The following PRLR variants were observed in gnomAD, a reference collection of about 807,000 sequenced individuals.
PRLR encodes the protein hPRL receptor.
PRLR carries 13 observed loss-of-function variants against 40.2 expected under a neutral mutation model. That is an observed-to-expected ratio of 0.32 (90% CI 0.21 to 0.51). PRLR has a LOEUF of 0.51. PRLR is among the 20% of genes least tolerant of loss of function. The pLI, the probability that PRLR is intolerant of heterozygous loss-of-function variation, is 0.97. For missense variants in PRLR, 656 were observed against 747.3 expected, an observed-to-expected ratio of 0.88 and a Z score of 1.42; for synonymous variants, 269 against 278.7, an observed-to-expected ratio of 0.97 and a Z score of 0.35.
At chr5:35,075,021 G>A (rs1218138938) in intron 5 of PRLR, among the ~76,000 whole-genome samples, 3 of 152,040 alleles carry the variant, frequency 2.0e-5, no homozygotes, top group Admixed American at 6.6e-5. Context: ...TTGGCATTAT[G>A]AGTTACATTT....
chr5:35,099,233 C>T (rs1018879377), intron 2 of PRLR, among the ~76,000 whole-genome samples: 11 of 152,152 alleles, frequency 7.2e-5, no homozygotes, highest in African/African-American at 1.2e-4. Flanking sequence ...CACACAGTAA[C>T]GCACTGAATG....
At chr5:35,229,434 A>G (rs1397066758) in intron 1 of PRLR, among the ~76,000 whole-genome samples, 2 of 152,140 alleles carry the variant, frequency 1.3e-5, no homozygotes, top group African/African-American at 4.8e-5. Flanking sequence ...GGATACAGGT[A>G]GAGGTCACTA....
rs568930860 is a variant in PRLR at position 35,226,286 on chromosome 5, G to C, written c.-106+3982C>G. On this transcript the variant is annotated intron_variant, in intron 1 of 9. Coordinates refer to ENST00000618457, the MANE Select transcript of PRLR (RefSeq NM_000949.7). ...CATGCTGTGTTAGCAAGTAGTTGTGGGCTTTGGAGTGAAATAGACTAAGGG... is the reference window on the plus strand; with the variant it reads ...CATGCTGTGTTAGCAAGTAGTTGTGCGCTTTGGAGTGAAATAGACTAAGGG... Among the ~76,000 whole-genome samples the C allele has an allele frequency of 4.6e-5, 7 of 152,334 alleles. No homozygotes were observed. The South Asian group carries it at 1.4e-3, about 32-fold the overall frequency.
Position 35,065,110 on chromosome 5 carries a change from A to G in PRLR, c.1848T>C (p.Cys616=). 1 of 1,612,940 alleles carries G rather than the reference A, an allele frequency of 6.2e-7. No individual in the cohort carries two copies. The highest frequency in any genetic ancestry group is 8.5e-7 in the Non-Finnish European group (1 of 1,179,148). The change falls in exon 10 of 10, where the codon TGT becomes TGC. Residue 616 remains cysteine, a synonymous_variant. Transcript: ENST00000618457. ...GCTATCAGTGAAAGGAGTGTGTAAA[A>G]CATGCGGGATCCAGGTAATCCAAAC... ...LGGLDYLDPA[C]FTHSFH
intron 1 of PRLR, among the ~76,000 whole-genome samples, chr5:35,223,132 T>G (rs545287499): frequency 5.3e-5 from 8 of 152,374 alleles, no homozygotes; most frequent in Non-Finnish European, 1.0e-4. Context: ...TTTAAAAGAC[T>G]ACATACAAAT....
chr5:35,072,369 G>A (rs1769800609), intron 6 of PRLR, among the ~76,000 whole-genome samples: 1 of 152,150 alleles, frequency 6.6e-6, no homozygotes, highest in African/African-American at 2.4e-5. Context: ...AGCAGTACAA[G>A]AAACTAGCCC....
At position 35,055,877 on chromosome 5, in the gene PRLR, T is replaced by TA. The variant is rs1768684115; in HGVS notation, c.*9211dup. The TA allele has an allele frequency of 6.6e-6, 1 of 152,236 alleles. No homozygotes were observed. Among genetic ancestry groups the TA allele is most frequent in the Non-Finnish European group, 1.5e-5 (1 of 68,042 alleles). The allele number at this position is 152,236 out of a possible 1,614,324, so 9.4% of individuals were successfully genotyped here. A position where few individuals can be genotyped will look rare whatever the true frequency, so the allele number is the denominator to read the frequency against. On this transcript the variant is annotated 3_prime_UTR_variant, in exon 10 of 10. Coordinates refer to ENST00000618457, the MANE Select transcript of PRLR (RefSeq NM_000949.7). ...GCAAACGTCATTTAAGCTTACCCTG[T>TA]AATTTTTAATAACTTTATAAGGAGC...
At chr5:35,181,964 T>C (rs1775307365) in intron 1 of PRLR, among the ~76,000 whole-genome samples, 1 of 152,130 alleles carries the variant, frequency 6.6e-6, no homozygotes, top group South Asian at 2.1e-4. Context: ...TTAAGGATAT[T>C]GTACTACCTC....
At chr5:35,134,850 G>C (rs1773801948) in intron 1 of PRLR, among the ~76,000 whole-genome samples, 1 of 152,182 alleles carries the variant, frequency 6.6e-6, no homozygotes. Context: ...TAGATGTTCT[G>C]ATTTAATGGC....
intron 1 of PRLR, among the ~76,000 whole-genome samples, chr5:35,155,963 G>A (rs1381825630): frequency 6.6e-6 from 1 of 152,096 alleles, no homozygotes; most frequent in East Asian, 1.9e-4. Flanking sequence ...AACAATACAA[G>A]TTCATCTTCC....
chr5:35,229,950 C>T (rs1368448900), intron 1 of PRLR, among the ~76,000 whole-genome samples: 1 of 152,182 alleles, frequency 6.6e-6, no homozygotes, highest in East Asian at 1.9e-4. Context: ...GGTGAAGATG[C>T]CTTTGACAAA....
At position 35,065,058 on chromosome 5, in the gene PRLR, A is replaced by G; in HGVS notation, c.*31T>C. ...GTAGTGTTACCTGAAGAAAAATCAC[A>G]TTTTAACCAATCATTCCATTAGTCA... On this transcript the variant is annotated 3_prime_UTR_variant, in exon 10 of 10. Transcript: ENST00000618457. 6.3e-7 allele frequency: 1 copy of G among 1,584,546 alleles called. No individual in the cohort carries two copies. Among genetic ancestry groups the G allele is most frequent in the East Asian group, 2.2e-5 (1 of 44,580 alleles).
At chr5:35,077,188 C>G (rs1288952037) in intron 5 of PRLR, among the ~76,000 whole-genome samples, 1 of 152,114 alleles carries the variant, frequency 6.6e-6, no homozygotes. Context: ...CAAATTCACA[C>G]AAAACAACAT....
intron 1 of PRLR, among the ~76,000 whole-genome samples, chr5:35,222,229 G>A (rs1468631959): frequency 6.6e-6 from 1 of 152,148 alleles, no homozygotes. Flanking sequence ...CTTGAACCCG[G>A]GAGGCAGAGG....
chr5:35,159,556 T>A (rs1183541894), intron 1 of PRLR, among the ~76,000 whole-genome samples: 5 of 152,148 alleles, frequency 3.3e-5, no homozygotes, highest in Non-Finnish European at 7.4e-5. Flanking sequence ...GCAAGCATGT[T>A]AAGTTAGCAA....
chr5:35,189,286 T>A (rs1001254645), intron 1 of PRLR, among the ~76,000 whole-genome samples: 1 of 151,972 alleles, frequency 6.6e-6, no homozygotes, highest in Non-Finnish European at 1.5e-5. Flanking sequence ...AGCACCTACT[T>A]CAGAAGGGTG....
intron 8 of PRLR, among the ~76,000 whole-genome samples, chr5:35,049,764 T>C: frequency 6.6e-6 from 1 of 152,290 alleles, no homozygotes; most frequent in Non-Finnish European, 1.5e-5. Context: ...TTTTCTGTAC[T>C]TGACTAATTA....
chr5:35,152,111 T>G (rs897008699), intron 1 of PRLR, among the ~76,000 whole-genome samples: 1 of 152,220 alleles, frequency 6.6e-6, no homozygotes, highest in Non-Finnish European at 1.5e-5. Context: ...GTATCAACCT[T>G]CTAGGGAAGT....
At chr5:35,218,361 A>G (rs1776335946) in intron 1 of PRLR, among the ~76,000 whole-genome samples, 1 of 152,218 alleles carries the variant, frequency 6.6e-6, no homozygotes, top group Non-Finnish European at 1.5e-5. Context: ...AAATTACCCT[A>G]TGGAAACTGG....
Sources: gnomAD v4.1 joint callset for allele counts (sites outside exome capture counted in the v4.1 genomes callset) on GRCh38, gnomAD v4.1.1 for gene constraint, MANE v1.5 for transcripts, NCBI Gene and HGNC (gene_info 2026-07-23, HGNC 2026-07-21) for gene names.